RASAL2: variants seen among roughly 807,000 people sequenced by gnomAD.
RASAL2 encodes the protein ras GTPase-activating protein nGAP.
Under a neutral mutation model 128.9 loss-of-function variants are expected in RASAL2, and 58 were observed. That is an observed-to-expected ratio of 0.45 (90% CI 0.36 to 0.56). The LOEUF (loss-of-function observed/expected upper bound fraction) is 0.56, where lower values mean the gene tolerates loss of function less well. Among genes scored for constraint, RASAL2 ranks in the 20% least tolerant of loss-of-function variants. The pLI, the probability that RASAL2 is intolerant of heterozygous loss-of-function variation, is 0.00. For missense variants in RASAL2, 1,360 were observed against 1,601.6 expected, an observed-to-expected ratio of 0.85 and a Z score of 2.57; for synonymous variants, 561 against 580.8, an observed-to-expected ratio of 0.97 and a Z score of 0.49.
intron 3 of RASAL2, among the ~76,000 whole-genome samples, chr1:178,312,791 A>T (rs761672757): frequency 1.3e-5 from 2 of 152,238 alleles, no homozygotes; most frequent in African/African-American, 4.8e-5. Flanking sequence ...AACAATAAGC[A>T]TATAGATATC....
intron 1 of RASAL2, among the ~76,000 whole-genome samples, chr1:178,171,249 G>T (rs897704180): frequency 6.6e-6 from 1 of 151,866 alleles, no homozygotes; most frequent in African/African-American, 2.4e-5. Context: ...TCAGCACATT[G>T]TACCTGCTCA....
At chr1:178,325,934 T>TA (rs932832489) in intron 3 of RASAL2, among the ~76,000 whole-genome samples, 3 of 151,828 alleles carry the variant, frequency 2.0e-5, no homozygotes, top group Admixed American at 6.6e-5. Context: ...TTACAAAAAA[T>TA]AAAAAAACTA....
chr1:178,193,818 T>A (rs997059556), intron 1 of RASAL2, among the ~76,000 whole-genome samples: 7 of 152,210 alleles, frequency 4.6e-5, no homozygotes, highest in Non-Finnish European at 8.8e-5. Flanking sequence ...TTTAAAATGT[T>A]GACACTATAA....
chr1:178,130,284 G>C (rs963086902), intron 1 of RASAL2, among the ~76,000 whole-genome samples: 1 of 152,126 alleles, frequency 6.6e-6, no homozygotes, highest in East Asian at 1.9e-4. Flanking sequence ...CAATTGGCAG[G>C]TCATATGACT....
intron 1 of RASAL2, among the ~76,000 whole-genome samples, chr1:178,174,568 T>A (rs1661820866): frequency 6.6e-6 from 1 of 152,138 alleles, no homozygotes; most frequent in Admixed American, 6.5e-5. Context: ...TGGCACCTGA[T>A]AAAATGAGTT....
At chr1:178,401,501 C>A (rs1673625105) in intron 4 of RASAL2, among the ~76,000 whole-genome samples, 1 of 152,048 alleles carries the variant, frequency 6.6e-6, no homozygotes, top group South Asian at 2.1e-4. Context: ...GGGGCTGGGC[C>A]TGGTGGTACA....
At chr1:178,106,556 A>G (rs1369008901) in intron 1 of RASAL2, among the ~76,000 whole-genome samples, 1 of 152,238 alleles carries the variant, frequency 6.6e-6, no homozygotes, top group East Asian at 1.9e-4. Context: ...GATATGTTGT[A>G]ATGTCTAAAA....
Position 178,473,326 on chromosome 1 carries a change from A to G in RASAL2, c.*87A>G. On this transcript the variant is annotated 3_prime_UTR_variant, in exon 18 of 18. Transcript: ENST00000367649. Reference sequence around the variant, plus strand: ...TACCTAGCCCCTCCAGGTTTACAGAATGTTGCTACTTCACAATGGCGATGT... The same window carrying G: ...TACCTAGCCCCTCCAGGTTTACAGAGTGTTGCTACTTCACAATGGCGATGT... 1 of 1,487,438 alleles carries G rather than the reference A, an allele frequency of 6.7e-7. No individual in the cohort carries two copies. Among genetic ancestry groups the G allele is most frequent in the Non-Finnish European group, 9.3e-7 (1 of 1,080,786 alleles). The allele number at this position is 1,487,438 out of a possible 1,614,324, so 92.1% of individuals were successfully genotyped here. A position where few individuals can be genotyped will look rare whatever the true frequency, so the allele number is the denominator to read the frequency against.
chr1:178,256,855 G>A (rs2102111014), intron 1 of RASAL2, among the ~76,000 whole-genome samples: 1 of 152,108 alleles, frequency 6.6e-6, no homozygotes, highest in Admixed American at 6.5e-5. Context: ...TTGTATTTTA[G>A]TAGAGATGGG....
intron 3 of RASAL2, among the ~76,000 whole-genome samples, chr1:178,387,237 C>T (rs576882676): frequency 6.6e-6 from 1 of 152,138 alleles, no homozygotes; most frequent in Non-Finnish European, 1.5e-5. Flanking sequence ...ATTTCTTCCC[C>T]TTCTTTCCCC....
At chr1:178,207,004 G>C (rs943753893) in intron 1 of RASAL2, among the ~76,000 whole-genome samples, 1 of 151,912 alleles carries the variant, frequency 6.6e-6, no homozygotes, top group African/African-American at 2.4e-5. Context: ...GCAAGACCTT[G>C]TCTTTCCTAA....
intron 14 of RASAL2, among the ~76,000 whole-genome samples, chr1:178,459,918 T>C (rs760791168): frequency 1.5e-4 from 23 of 152,236 alleles, no homozygotes; most frequent in African/African-American, 4.3e-4. Flanking sequence ...ATGTATCATA[T>C]GTATTTTTTA....
chr1:178,213,070 C>G (rs1036136882), intron 1 of RASAL2, among the ~76,000 whole-genome samples: 2 of 152,154 alleles, frequency 1.3e-5, no homozygotes, highest in Non-Finnish European at 1.5e-5. Flanking sequence ...GGGTCTCACT[C>G]TGTTGCCCAG....
At chr1:178,191,871 A>G (rs1210090453) in intron 1 of RASAL2, among the ~76,000 whole-genome samples, 1 of 152,208 alleles carries the variant, frequency 6.6e-6, no homozygotes, top group African/African-American at 2.4e-5. Context: ...CAAAATCCTG[A>G]GGCTTTAATA....
intron 1 of RASAL2, among the ~76,000 whole-genome samples, chr1:178,135,393 ATT>A (rs1660283403): frequency 1.3e-5 from 2 of 148,694 alleles, no homozygotes; most frequent in Non-Finnish European, 3.0e-5. Flanking sequence ...GTCCCCTTGT[ATT>A]TCCAGAATAC....
intron 3 of RASAL2, among the ~76,000 whole-genome samples, chr1:178,304,096 CAAAG>C (rs766656307): frequency 2.2e-4 from 33 of 151,978 alleles, no homozygotes; most frequent in Admixed American, 4.6e-4. Context: ...TTTAAAAAGA[CAAAG>C]AAAAACAAGC....
rs374353484 is a variant in RASAL2 at position 178,282,861 on chromosome 1, T to C, written c.203-703T>C. On this transcript the variant is annotated intron_variant, in intron 1 of 17. Coordinates refer to ENST00000367649, the MANE Select transcript of RASAL2 (RefSeq NM_170692.4). ...TTCCAGCAGCCCAAATGAGTAAACA[T>C]TTTATATCAAAAAAATTGAAAATGA... Among the ~76,000 whole-genome samples the C allele has an allele frequency of 2.0e-4, 30 of 152,234 alleles. No individual in the cohort carries two copies. In the East Asian group the frequency reaches 5.0e-3, roughly 25 times the overall value.
At chr1:178,371,353 A>ACACACACACACACACAC (rs59882717) in intron 3 of RASAL2, among the ~76,000 whole-genome samples, 1 of 109,630 alleles carries the variant, frequency 9.1e-6, no homozygotes, top group Non-Finnish European at 1.8e-5. Context: ...CACACACACA[A>ACACACACACACACACAC]ATACACACAC....
rs1213832794 is a variant in RASAL2, at chr1:178,296,846, GTAT to G, written c.331-3144_331-3142del. Among the ~76,000 whole-genome samples the G allele has an allele frequency of 2.6e-5, 4 of 151,470 alleles. No homozygotes were observed. In the East Asian group the frequency reaches 7.8e-4, roughly 30 times the overall value. Reference sequence around the variant, plus strand: ...CCCCACCATGTCCAACTGATTTTTTGTATTTAGTAGATATGGGGTTTCACCATG... The same window carrying G: ...CCCCACCATGTCCAACTGATTTTTTGTTAGTAGATATGGGGTTTCACCATG... On this transcript the variant is annotated intron_variant, in intron 2 of 17. Transcript: ENST00000367649.
Sources: allele counts gnomAD v4.1 joint callset (sites outside exome capture counted in the v4.1 genomes callset), GRCh38; gene constraint gnomAD v4.1.1; transcripts MANE v1.5; gene names NCBI Gene and HGNC (gene_info 2026-07-23, HGNC 2026-07-21).